POU6F2: variants seen among roughly 807,000 people sequenced by gnomAD.
POU6F2 encodes POU domain, class 6, transcription factor 2.
Under a neutral mutation model 71.3 loss-of-function variants are expected in POU6F2, and 31 were observed. That is an observed-to-expected ratio of 0.43 (90% confidence interval 0.33 to 0.59). The LOEUF (loss-of-function observed/expected upper bound fraction) is 0.59. Among genes scored for constraint, POU6F2 ranks in the 20% least tolerant of loss-of-function variants. The pLI is 0.04. For synonymous variants in POU6F2, 347 were observed against 355.7 expected (o/e 0.98, Z 0.27); for missense variants, 783 against 856.8 (o/e 0.91, Z 1.07).
At chr7:39,085,390 G>A (rs1265865503) in intron 1 of POU6F2, among the ~76,000 whole-genome samples, 1 of 152,034 alleles carries the variant, frequency 6.6e-6, no homozygotes, top group Non-Finnish European at 1.5e-5. Context: ...CTCCCCCGGG[G>A]AGAAGGCTTC....
At chr7:39,222,826 G>A (rs532154479) in intron 4 of POU6F2, among the ~76,000 whole-genome samples, 16 of 152,238 alleles carry the variant, frequency 1.1e-4, no homozygotes, top group Admixed American at 6.5e-4. Context: ...TCCACTATTT[G>A]ACTATTGTGG....
chr7:39,048,158 C>T (rs146519091), intron 1 of POU6F2, among the ~76,000 whole-genome samples: 20 of 151,936 alleles, frequency 1.3e-4, no homozygotes, highest in Non-Finnish European at 2.7e-4. Flanking sequence ...TTTTAAATTA[C>T]GAATTCCATT....
intron 1 of POU6F2, among the ~76,000 whole-genome samples, chr7:39,065,212 A>C (rs1790732299): frequency 6.6e-6 from 1 of 151,806 alleles, no homozygotes; most frequent in Non-Finnish European, 1.5e-5. Context: ...ATAATCGGTT[A>C]CAATTAAAAA....
intron 2 of POU6F2, among the ~76,000 whole-genome samples, chr7:39,140,056 A>G (rs1247300430): frequency 6.6e-6 from 1 of 152,176 alleles, no homozygotes; most frequent in African/African-American, 2.4e-5. Context: ...AGTTTTTGTC[A>G]TACATAAAGG....
At chr7:39,458,092 A>G (rs73370930) in intron 8 of POU6F2, among the ~76,000 whole-genome samples, 5,435 of 118,064 alleles carry the variant, frequency 0.046, 312 homozygotes, top group African/African-American at 0.16. Context: ...CCTTTGGGGG[A>G]CCACACCATT....
At chr7:39,059,503 TA>T (rs11407203) in intron 1 of POU6F2, among the ~76,000 whole-genome samples, 371 of 137,998 alleles carry the variant, frequency 2.7e-3, no homozygotes, top group Middle Eastern at 0.011. Flanking sequence ...TGTCTGTAAT[TA>T]AAAAAAAAAA....
At chr7:39,375,857 G>GT (rs796954719) in intron 5 of POU6F2, among the ~76,000 whole-genome samples, 5 of 152,178 alleles carry the variant, frequency 3.3e-5, no homozygotes, top group African/African-American at 1.2e-4. Flanking sequence ...TGGGGGTGGA[G>GT]TTTTTTGTTG....
chr7:39,122,668 A>G (rs1030430112), intron 2 of POU6F2, among the ~76,000 whole-genome samples: 1 of 149,184 alleles, frequency 6.7e-6, no homozygotes, highest in African/African-American at 2.5e-5. Context: ...GGTCCAATTT[A>G]GAGTTAAACT....
chr7:39,029,493 A>G (rs200635423), intron 1 of POU6F2, among the ~76,000 whole-genome samples: 35 of 89,642 alleles, frequency 3.9e-4, no homozygotes, highest in African/African-American at 1.1e-3. Context: ...CATTTCTGGG[A>G]GGGGGGGGTG....
chr7:39,092,730 A>C (rs1388274820), intron 2 of POU6F2, among the ~76,000 whole-genome samples: 1 of 152,180 alleles, frequency 6.6e-6, no homozygotes, highest in Non-Finnish European at 1.5e-5. Context: ...TTTCATAAAA[A>C]GGAAACAAGG....
At chr7:39,335,206 C>T (rs1185143674) in intron 4 of POU6F2, among the ~76,000 whole-genome samples, 1 of 152,210 alleles carries the variant, frequency 6.6e-6, no homozygotes, top group Non-Finnish European at 1.5e-5. Context: ...ACCTCCCTTC[C>T]TGCAACCACT....
At chr7:39,033,637 A>AT in intron 1 of POU6F2, among the ~76,000 whole-genome samples, 1 of 152,210 alleles carries the variant, frequency 6.6e-6, no homozygotes, top group South Asian at 2.1e-4. Flanking sequence ...AGAAAATCAG[A>AT]TTTTCACACC....
intron 2 of POU6F2, among the ~76,000 whole-genome samples, chr7:39,133,787 G>A (rs1295568722): frequency 6.6e-6 from 1 of 152,228 alleles, no homozygotes; most frequent in Non-Finnish European, 1.5e-5. Flanking sequence ...AGACCACAAT[G>A]TACAGCCTGT....
chr7:39,109,554 ATTT>A (rs1791762150), intron 2 of POU6F2, among the ~76,000 whole-genome samples: 1 of 152,052 alleles, frequency 6.6e-6, no homozygotes, highest in Admixed American at 6.6e-5. Context: ...CTTGATGGAG[ATTT>A]TAGCTTATTC....
chr7:39,173,328 A>G (rs1300601573), intron 2 of POU6F2, among the ~76,000 whole-genome samples: 1 of 152,208 alleles, frequency 6.6e-6, no homozygotes, highest in Non-Finnish European at 1.5e-5. Context: ...AGTTTCAACT[A>G]GCTCTGTGCT....
At chr7:39,036,531 A>G (rs1375609391) in intron 1 of POU6F2, among the ~76,000 whole-genome samples, 2 of 152,088 alleles carry the variant, frequency 1.3e-5, no homozygotes, top group African/African-American at 4.8e-5. Flanking sequence ...TTGCTTTACC[A>G]GTGACTCTAT....
intron 5 of POU6F2, among the ~76,000 whole-genome samples, chr7:39,349,266 G>A (rs555336156): frequency 8.5e-5 from 13 of 152,282 alleles, no homozygotes; most frequent in South Asian, 2.1e-4. Context: ...GTTGCTTCTC[G>A]TGGCAGCTGA....
chr7:39,228,323 T>A (rs1794510879), intron 4 of POU6F2, among the ~76,000 whole-genome samples: 1 of 152,228 alleles, frequency 6.6e-6, no homozygotes, highest in African/African-American at 2.4e-5. Context: ...TCTGTTTTTG[T>A]AGGCAGAGGA....
intron 4 of POU6F2, among the ~76,000 whole-genome samples, chr7:39,232,464 G>T (rs890247560): frequency 7.2e-5 from 11 of 152,166 alleles, no homozygotes; most frequent in Admixed American, 2.0e-4. Flanking sequence ...CAAAGGAGGT[G>T]TCTCTAAAAA....
Sources: gnomAD v4.1 joint callset for allele counts (sites outside exome capture counted in the v4.1 genomes callset) on GRCh38, gnomAD v4.1.1 for gene constraint, MANE v1.5 for transcripts, NCBI Gene and HGNC (gene_info 2026-07-23, HGNC 2026-07-21) for gene names.